PCLO: variants seen among roughly 807,000 people sequenced by gnomAD.
The protein encoded by PCLO is piccolo presynaptic cytomatrix protein.
A neutral mutation model predicts 427.5 loss-of-function variants in PCLO; 82 were observed. The observed-to-expected ratio is 0.19, with a 90% CI of 0.16 to 0.23. The LOEUF (loss-of-function observed/expected upper bound fraction) is 0.23, where lower values mean the gene tolerates loss of function less well. Among genes scored for constraint, PCLO ranks in the 10% least tolerant of loss-of-function variants. PCLO has a pLI of 1.00. For synonymous variants in PCLO, 2,357 were observed against 2,155.4 expected (o/e 1.09, Z -2.59); for missense variants, 6,239 against 6,115.9 (o/e 1.02, Z -0.67).
intron 9 of PCLO, chr7:82,879,942 T>A: frequency 2.5e-6 from 1 of 401,466 alleles, no homozygotes; most frequent in Non-Finnish European, 4.8e-6. Flanking sequence ...TTTTTCAGCC[T>A]TAATTAACCA....
intron 3 of PCLO, among the ~76,000 whole-genome samples, chr7:83,098,406 T>A (rs1264235294): frequency 1.3e-5 from 2 of 152,120 alleles, no homozygotes; most frequent in African/African-American, 4.8e-5. Context: ...CTGCTACACA[T>A]AAAGACTTGC....
intron 3 of PCLO, among the ~76,000 whole-genome samples, chr7:83,094,619 T>G (rs1790485660): frequency 6.6e-6 from 1 of 152,192 alleles, no homozygotes; most frequent in Non-Finnish European, 1.5e-5. Context: ...CCACAGTTTG[T>G]TTAACCATTT....
At chr7:82,849,465 T>C (rs1380023990) in intron 10 of PCLO, among the ~76,000 whole-genome samples, 1 of 152,166 alleles carries the variant, frequency 6.6e-6, no homozygotes, top group Non-Finnish European at 1.5e-5. Context: ...TCATTGCTTG[T>C]TGCCTACAGT....
At chr7:82,976,063 G>A (rs1796011784) in intron 3 of PCLO, among the ~76,000 whole-genome samples, 1 of 152,126 alleles carries the variant, frequency 6.6e-6, no homozygotes, top group Non-Finnish European at 1.5e-5. Flanking sequence ...TTTTGTATGG[G>A]ATTTGGCAGG....
chr7:82,934,577 C>T (rs1035956736), intron 6 of PCLO, among the ~76,000 whole-genome samples: 3 of 151,604 alleles, frequency 2.0e-5, no homozygotes, highest in Non-Finnish European at 3.0e-5. Context: ...TAATATGAAA[C>T]TGCAGTGTTG....
In PCLO at chr7:83,156,405, A is replaced by T; in HGVS notation, c.249-13T>A. The T allele has an allele frequency of 3.5e-6, 3 of 861,676 alleles. No homozygotes were observed. The highest frequency in any genetic ancestry group is 2.5e-5 in the South Asian group (1 of 39,360). 53.4% of individuals were successfully genotyped at this position (861,676 alleles called of 1,614,324 possible). A position where few individuals can be genotyped will look rare whatever the true frequency, so the allele number is the denominator to read the frequency against. On this transcript the variant is annotated splice_polypyrimidine_tract_variant and intron_variant, in intron 1 of 24. Coordinates refer to ENST00000333891, the MANE Select transcript of PCLO (RefSeq NM_033026.6). ...CAACTCTTGTTTCCTAGAAGAGTTA[A>T]AAAAAAAAAAAAAAATCAAGTGAAA...
Position 82,835,699 on chromosome 7 carries a change from T to C in PCLO, c.14223-6A>G. On this transcript the variant is annotated splice_polypyrimidine_tract_variant and splice_region_variant and intron_variant, in intron 15 of 24. Transcript: ENST00000333891. The stretch of plus-strand genomic sequence containing the variant: ...TCTGGACAACCATGACTTGACTGCA[T>C]TGATTCCAAGAGCGAGAGTGAAGGG... 6.2e-7 allele frequency: 1 copy of C among 1,608,584 alleles called. No homozygotes were observed. The highest frequency in any genetic ancestry group is 8.5e-7 in the Non-Finnish European group (1 of 1,176,808).
chr7:83,016,812 T>C (rs969550769), intron 3 of PCLO, among the ~76,000 whole-genome samples: 3 of 152,128 alleles, frequency 2.0e-5, no homozygotes, highest in Non-Finnish European at 4.4e-5. Context: ...AAAAGTATGC[T>C]AGATATTGGG....
intron 3 of PCLO, among the ~76,000 whole-genome samples, chr7:83,111,191 T>G (rs1001463004): frequency 3.3e-5 from 5 of 152,206 alleles, no homozygotes; most frequent in Non-Finnish European, 5.9e-5. Flanking sequence ...AAATTTTATT[T>G]TATTCAATTC....
chr7:82,825,673 A>AATGTGTATATAT (rs1791918446), intron 18 of PCLO, among the ~76,000 whole-genome samples: 14 of 148,168 alleles, frequency 9.4e-5, no homozygotes, highest in African/African-American at 3.4e-4. Context: ...TTGTATATAT[A>AATGTGTATATAT]ACGTGTATAT....
At chr7:82,855,201 C>G (rs1792770265) in intron 10 of PCLO, among the ~76,000 whole-genome samples, 1 of 152,014 alleles carries the variant, frequency 6.6e-6, no homozygotes, top group African/African-American at 2.4e-5. Flanking sequence ...TGTAAAAGCT[C>G]AAGTCACAAC....
chr7:83,005,958 C>T (rs1787936141), intron 3 of PCLO, among the ~76,000 whole-genome samples: 1 of 151,534 alleles, frequency 6.6e-6, no homozygotes, highest in African/African-American at 2.4e-5. Flanking sequence ...AATATAGGAG[C>T]AAAGTCAAAA....
chr7:82,860,936 G>T (rs755213730), intron 10 of PCLO, among the ~76,000 whole-genome samples: 1 of 151,774 alleles, frequency 6.6e-6, no homozygotes, highest in Non-Finnish European at 1.5e-5. Context: ...AAGCCTCAAG[G>T]TAACCTCAAA....
intron 2 of PCLO, among the ~76,000 whole-genome samples, chr7:83,149,324 G>A (rs545928806): frequency 2.6e-5 from 4 of 152,154 alleles, no homozygotes; most frequent in South Asian, 4.2e-4. Context: ...CTTGGACAGT[G>A]GTTTTCTCAG....
chr7:82,944,383 A>G (rs1364146350), intron 6 of PCLO, among the ~76,000 whole-genome samples: 1 of 152,082 alleles, frequency 6.6e-6, no homozygotes, highest in African/African-American at 2.4e-5. Flanking sequence ...CTTTCTGGAC[A>G]CTGGGTATAC....
intron 3 of PCLO, among the ~76,000 whole-genome samples, chr7:83,023,576 A>C (rs1477496710): frequency 6.6e-6 from 1 of 152,168 alleles, no homozygotes; most frequent in Non-Finnish European, 1.5e-5. Context: ...TTGTAAGTAC[A>C]TGTCCCTAAA....
In PCLO at chr7:82,950,719, T is replaced by G; in HGVS notation, c.9869A>C (p.Gln3290Pro). 6.2e-7 allele frequency: 1 copy of G among 1,613,906 alleles called. No homozygotes were observed. Among genetic ancestry groups the G allele is most frequent in the Non-Finnish European group, 8.5e-7 (1 of 1,179,858 alleles). Residue 3290 changes from glutamine to proline, a missense_variant, in exon 6 of 25, where the codon CAG (glutamine) becomes CCG (proline). Physicochemically the swap from Gln to Pro is moderately conservative, Grantham distance 76 (BLOSUM62 -1). Around this residue, in one of 5 missense-constraint regions of PCLO, gnomAD observed 4,677 missense variants for 4,468.4 expected, o/e 1.05. Coordinates refer to ENST00000333891, the MANE Select transcript of PCLO (RefSeq NM_033026.6). ...CTGTTGGATCTGCTCAAGCTGTAAC[T>G]GTTGCTGAGCTAACGTCTCCTGCCT... ...MMRQETLAQQ[Q>P]LQLEQIQQLQ... is the part of the protein sequence containing the mutation.
intron 3 of PCLO, among the ~76,000 whole-genome samples, chr7:82,993,512 C>T (rs895326018): frequency 9.9e-5 from 15 of 151,936 alleles, no homozygotes; most frequent in Non-Finnish European, 1.5e-5. Context: ...ATCATTCTAA[C>T]TTTCTCTTTC....
chr7:82,883,317 G>C (rs1169460755), intron 9 of PCLO, among the ~76,000 whole-genome samples: 2 of 134,136 alleles, frequency 1.5e-5, no homozygotes, highest in Non-Finnish European at 3.0e-5. Flanking sequence ...TTACACTCTT[G>C]AGTAAGGCTG....
Sources: gnomAD v4.1 joint callset for allele counts (sites outside exome capture counted in the v4.1 genomes callset) on GRCh38, gnomAD v4.1.1 for gene constraint, gnomAD v4.1.1 regional missense constraint, MANE v1.5 for transcripts, NCBI Gene and HGNC (gene_info 2026-07-23, HGNC 2026-07-21) for gene names.